ABCC5: variants seen among roughly 807,000 people sequenced by gnomAD.
ABCC5 encodes the protein ATP-binding cassette sub-family C member 5.
In ABCC5, 61 loss-of-function variants were observed where a neutral mutation model predicts 160.9. The observed-to-expected ratio is 0.38, with a 90% CI of 0.31 to 0.47. The LOEUF is 0.47. Ranked by LOEUF, ABCC5 falls within the 20% of genes least tolerant of loss-of-function variation. The pLI, the probability that ABCC5 is intolerant of heterozygous loss-of-function variation, is 0.99. For synonymous variants in ABCC5, 666 were observed against 700.6 expected (o/e 0.95, Z 0.78); for missense variants, 1,308 against 1,813.3 (o/e 0.72, Z 5.06).
intron 5 of ABCC5, chr3:183,985,749 A>G: frequency 6.3e-6 from 2 of 319,470 alleles, no homozygotes; most frequent in Admixed American, 8.3e-5. Flanking sequence ...CTCCATTAAC[A>G]TTACTATGAC....
chr3:183,991,510 A>G (rs1351308937), intron 2 of ABCC5, among the ~76,000 whole-genome samples: 1 of 152,206 alleles, frequency 6.6e-6, no homozygotes, highest in African/African-American at 2.4e-5. Flanking sequence ...TGTATACAGG[A>G]GTCAGCTGGA....
At chr3:183,955,661 C>A (rs1715814381) in intron 17 of ABCC5, among the ~76,000 whole-genome samples, 1 of 146,036 alleles carries the variant, frequency 6.8e-6, no homozygotes, top group African/African-American at 2.5e-5. Context: ...ACATCGGTTA[C>A]ATGCAGATCT....
chr3:184,000,615 G>C (rs963789098), intron 2 of ABCC5: 1 of 152,092 alleles, frequency 6.6e-6, no homozygotes, highest in Non-Finnish European at 1.5e-5. Flanking sequence ...ATATGGAAAA[G>C]AAAATGCAAT....
intron 17 of ABCC5, among the ~76,000 whole-genome samples, chr3:183,956,868 T>C (rs111735789): frequency 2.3e-4 from 8 of 34,704 alleles, no homozygotes; most frequent in Non-Finnish European, 2.5e-4. Context: ...GTGTATATCA[T>C]ATAGGTTACA....
intron 11 of ABCC5, among the ~76,000 whole-genome samples, chr3:183,968,028 G>A (rs1165664536): frequency 6.6e-6 from 1 of 152,074 alleles, no homozygotes. Flanking sequence ...GTCATTCTTA[G>A]GCCCAGCCTC....
At chr3:183,966,883 C>T (rs917985957) in intron 12 of ABCC5, among the ~76,000 whole-genome samples, 2 of 152,160 alleles carry the variant, frequency 1.3e-5, no homozygotes, top group African/African-American at 4.8e-5. Context: ...CCCTGCTCCC[C>T]CTCTGTTTCA....
At position 183,984,491 on chromosome 3, in the gene ABCC5, C is replaced by T. The variant is rs1343884475; in HGVS notation, c.592-1484G>A. The T allele has an allele frequency of 1.1e-5, 12 of 1,070,074 alleles. No homozygotes were observed. In the South Asian group the frequency reaches 3.7e-4, roughly 33 times the overall value. 66.3% of individuals were successfully genotyped at this position (1,070,074 alleles called of 1,614,324 possible). The stretch of plus-strand genomic sequence containing the variant: ...AGGTAGCTACGCTGAATTCCAAAAC[C>T]CAGACTCTCTCTGGGTTAATTTCTT... On this transcript the variant is annotated intron_variant, in intron 5 of 29. Coordinates refer to ENST00000334444, the MANE Select transcript of ABCC5 (RefSeq NM_005688.4).
intron 18 of ABCC5, 51 bp from the exon 19 acceptor site, chr3:183,952,054 G>A (rs1715409215): frequency 6.4e-7 from 1 of 1,574,252 alleles, no homozygotes; most frequent in South Asian, 1.1e-5. Context: ...ACTGCCAAGA[G>A]CCCCTGCTCA....
chr3:183,921,545 AT>A lies in ABCC5; in HGVS notation c.4213-145del, dbSNP rs1711977076. On this transcript the variant is annotated intron_variant, in intron 29 of 29. Transcript: ENST00000334444. The surrounding 1 kb of genome is among the most constrained non-coding windows in gnomAD (Gnocchi z 4.1). ...TAGCCCTGCGTGCACCTCCCCCCTT[AT>A]TTTTTTATTTTCAACTATCCAGGGA... 7.7e-6 allele frequency: 4 copies of A among 520,380 alleles called. No homozygotes were observed. In the East Asian group the frequency reaches 1.4e-4, roughly 19 times the overall value. The allele number at this position is 520,380 out of a possible 1,614,324, so 32.2% of individuals were successfully genotyped here. A position where few individuals can be genotyped will look rare whatever the true frequency, so the allele number is the denominator to read the frequency against.
chr3:184,006,300 G>GAAAAA (rs34764294), intron 2 of ABCC5: 22 of 114,608 alleles, frequency 1.9e-4, no homozygotes, highest in Admixed American at 3.6e-4. Flanking sequence ...AGGGAGAGAA[G>GAAAAA]AAAAAAAAAA....
At chr3:183,952,883 G>A (rs1312684134) in intron 18 of ABCC5, among the ~76,000 whole-genome samples, 2 of 152,200 alleles carry the variant, frequency 1.3e-5, no homozygotes, top group South Asian at 2.1e-4. Context: ...CCTACTGCAC[G>A]CCCTACTGCC....
rs1347098493 is a variant in ABCC5 at position 184,017,010 on chromosome 3, C to T, written c.-56+820G>A. ...GCTAAAGGGATACGTATTTACCACA[C>T]CCACTGTAATCCACTTGTTGCGTCT... On this transcript the variant is annotated intron_variant, in intron 1 of 29. Transcript: ENST00000334444. The surrounding 1 kb of genome is among the most constrained non-coding windows in gnomAD (Gnocchi z 4.5). 3.3e-5 allele frequency among the ~76,000 whole-genome samples: 5 copies of T among 152,206 alleles called. No homozygotes were observed. Among genetic ancestry groups the T allele is most frequent in the Non-Finnish European group, 4.4e-5 (3 of 68,028 alleles).
chr3:184,013,201 A>C (rs1370047103), intron 2 of ABCC5, among the ~76,000 whole-genome samples: 1 of 152,176 alleles, frequency 6.6e-6, no homozygotes, highest in Non-Finnish European at 1.5e-5. Context: ...ATAATCCCAC[A>C]ACTATCTAGA....
Position 184,014,330 on chromosome 3 carries a change from C to T in ABCC5, c.63G>A (p.Arg21=). 1 of 1,613,830 alleles carries T rather than the reference C, an allele frequency of 6.2e-7. No individual in the cohort carries two copies. Among genetic ancestry groups the T allele is most frequent in the South Asian group, 1.1e-5 (1 of 91,070 alleles). The change falls in exon 2 of 30, where the codon AGG becomes AGA. Residue 21 remains arginine (R), a synonymous_variant. Coordinates refer to ENST00000334444, the MANE Select transcript of ABCC5 (RefSeq NM_005688.4). ...IIPSPGYRSV[R]ERTSTSGTHR... ...GCGTCCCAGAAGTGCTGGTTCTCTCCCTCACACTTCTATACCCAGGACTGG... is the reference window on the plus strand; with the variant it reads ...GCGTCCCAGAAGTGCTGGTTCTCTCTCTCACACTTCTATACCCAGGACTGG...
At chr3:183,980,913 A>G (rs982939976) in intron 8 of ABCC5, among the ~76,000 whole-genome samples, 1 of 151,964 alleles carries the variant, frequency 6.6e-6, no homozygotes, top group Non-Finnish European at 1.5e-5. Flanking sequence ...GGGTTTCACT[A>G]TATTGGCCAG....
At chr3:183,999,026 G>C (rs1047536569) in intron 2 of ABCC5, among the ~76,000 whole-genome samples, 4 of 151,486 alleles carry the variant, frequency 2.6e-5, no homozygotes. Flanking sequence ...GGAGGTGCAG[G>C]TTGCAGTGAG....
rs754919167 is a variant in ABCC5 at position 183,921,321 on chromosome 3, G to A, written c.4293C>T (p.Asn1431=). The A allele has an allele frequency of 6.3e-7, 1 of 1,598,352 alleles. No individual in the cohort carries two copies. Among genetic ancestry groups the A allele is most frequent in the Non-Finnish European group, 8.6e-7 (1 of 1,166,300 alleles). The change falls in exon 30 of 30, where the codon AAC becomes AAT. Residue 1431 remains asparagine, a synonymous_variant. Coordinates refer to ENST00000334444, the MANE Select transcript of ABCC5 (RefSeq NM_005688.4). This position sits in a 1 kb window ranked among gnomAD's most constrained non-coding sequence, Gnocchi z 4.1. ...RFYAMFAAAE[N]KVAVKG ...GGAGTCAGCCCTTGACAGCGACCTT[G>A]TTCTCTGCAGCAGCAAACATGGCAT... is the stretch of plus-strand genomic sequence containing the variant.
chr3:183,946,388 CG>C (rs1714852463), intron 23 of ABCC5, among the ~76,000 whole-genome samples: 2 of 152,076 alleles, frequency 1.3e-5, no homozygotes, highest in African/African-American at 2.4e-5. Flanking sequence ...CCATAGACTG[CG>C]GAGTCTAAAA....
chr3:184,010,973 C>T (rs183487348), intron 2 of ABCC5, among the ~76,000 whole-genome samples: 1 of 152,108 alleles, frequency 6.6e-6, no homozygotes, highest in Admixed American at 6.5e-5. Flanking sequence ...AACTCCTGAG[C>T]TCAGGCAATC....
Sources: allele counts gnomAD v4.1 joint callset (sites outside exome capture counted in the v4.1 genomes callset), GRCh38; gene constraint gnomAD v4.1.1; non-coding constraint Gnocchi (gnomAD v3.1); transcripts MANE v1.5; gene names NCBI Gene and HGNC (gene_info 2026-07-23, HGNC 2026-07-21).